The following DCHS2 variants were observed in gnomAD, a reference collection of about 807,000 sequenced individuals.
DCHS2 encodes dachsous cadherin-related 2.
Under a neutral mutation model 182.4 loss-of-function variants are expected in DCHS2, and 142 were observed. The ratio of observed to expected loss-of-function variants is 0.78; its 90% confidence interval spans 0.68 to 0.89. The LOEUF (loss-of-function observed/expected upper bound fraction) is 0.89, where lower values mean the gene tolerates loss of function less well. DCHS2 is among the 40% of genes least tolerant of loss of function. The pLI, the probability that DCHS2 is intolerant of heterozygous loss-of-function variation, is 0.00. For synonymous variants in DCHS2, 1,740 were observed against 1,663.3 expected (o/e 1.05, Z -1.12); for missense variants, 4,319 against 4,198.6 (o/e 1.03, Z -0.79).
chr4:154,293,945 C>G (rs1561018404), intron 13 of DCHS2, among the ~76,000 whole-genome samples: 2 of 152,148 alleles, frequency 1.3e-5, no homozygotes, highest in Non-Finnish European at 2.9e-5. Flanking sequence ...TCTCCCCGAC[C>G]CTTCCCTCTT....
In DCHS2 at chr4:154,235,414, T is replaced by C. The variant is rs780963230; in HGVS notation, c.9238A>G (p.Lys3080Glu). 1.9e-6 allele frequency: 3 copies of C among 1,614,060 alleles called. No homozygotes were observed. The highest frequency in any genetic ancestry group is 2.2e-5 in the East Asian group (1 of 44,870). The change falls in exon 20 of 20, where the codon AAG (lysine) becomes GAG (glutamate). Residue 3080 changes from lysine to glutamate, a missense_variant. Coordinates refer to ENST00000357232, the MANE Select transcript of DCHS2 (RefSeq NM_001358235.2). ...TGTCTGTACAGATTGACAATATCCT[T>C]CTCCATGATACTTATTAAACTCAAC... ...EWLSLISIMEKDIVNLYRHSN... is the reference protein window; with the variant it reads ...EWLSLISIMEEDIVNLYRHSN...
At chr4:154,470,004 G>A (rs1735394495) in intron 1 of DCHS2, among the ~76,000 whole-genome samples, 1 of 152,110 alleles carries the variant, frequency 6.6e-6, no homozygotes, top group African/African-American at 2.4e-5. Context: ...AAAAGTTGTT[G>A]ACTACCATCT....
intron 3 of DCHS2, chr4:154,357,129 T>A (rs1729907575): frequency 1.2e-6 from 1 of 818,980 alleles, no homozygotes; most frequent in Non-Finnish European, 2.0e-6. Context: ...TGCGAAGTTG[T>A]TTAAAACTCA....
intron 3 of DCHS2, chr4:154,335,306 G>A (rs1030234311): frequency 3.5e-6 from 2 of 563,404 alleles, no homozygotes; most frequent in Admixed American, 5.9e-5. Context: ...ATTTAAATCT[G>A]TAGACTGAAT....
At chr4:154,434,337 G>A (rs370439903) in intron 1 of DCHS2, among the ~76,000 whole-genome samples, 4 of 152,178 alleles carry the variant, frequency 2.6e-5, no homozygotes, top group South Asian at 2.1e-4. Flanking sequence ...TGGGAGGATC[G>A]CTTGAGCCTG....
intron 3 of DCHS2, among the ~76,000 whole-genome samples, chr4:154,357,843 C>T (rs1729945723): frequency 6.6e-6 from 1 of 152,144 alleles, no homozygotes; most frequent in South Asian, 2.1e-4. Flanking sequence ...ATACTCTTTG[C>T]ACCTACAAAC....
chr4:154,455,297 G>A lies in DCHS2; in HGVS notation c.2052+34007C>T, dbSNP rs75866469. Among the ~76,000 whole-genome samples, 599 of 152,306 alleles carry A rather than the reference G, an allele frequency of 3.9e-3. 4 individuals carry two copies. The highest frequency in any genetic ancestry group is 6.6e-3 in the Non-Finnish European group (450 of 68,032). The stretch of plus-strand genomic sequence containing the variant: ...GCCAGGCCAGCTCAAGAGAACGACT[G>A]GATCTGGGCCATTTTATGTAAACAA... On this transcript the variant is annotated intron_variant, in intron 1 of 19. Coordinates refer to ENST00000357232, the MANE Select transcript of DCHS2 (RefSeq NM_001358235.2).
intron 13 of DCHS2, among the ~76,000 whole-genome samples, chr4:154,280,682 G>A (rs1038221307): frequency 5.3e-5 from 8 of 151,612 alleles, no homozygotes; most frequent in Non-Finnish European, 5.9e-5. Flanking sequence ...ATGCTTTCAT[G>A]GTAAAAACTC....
At chr4:154,296,670 A>C (rs1438575790) in intron 13 of DCHS2, among the ~76,000 whole-genome samples, 1 of 152,166 alleles carries the variant, frequency 6.6e-6, no homozygotes, top group East Asian at 1.9e-4. Flanking sequence ...ATTTGTTTTA[A>C]CTTTTAATTT....
At chr4:154,347,580 T>C (rs1005899165) in intron 3 of DCHS2, among the ~76,000 whole-genome samples, 4 of 151,882 alleles carry the variant, frequency 2.6e-5, no homozygotes, top group African/African-American at 9.7e-5. Flanking sequence ...TACTGTAGCA[T>C]AGTGTCTGAC....
chr4:154,234,945 T>C lies in DCHS2; in HGVS notation c.9707A>G (p.Tyr3236Cys), dbSNP rs140682325. Residue 3236 changes from tyrosine to cysteine, a missense_variant, in exon 20 of 20, where the codon TAT becomes TGT. Coordinates refer to ENST00000357232, the MANE Select transcript of DCHS2 (RefSeq NM_001358235.2). Reference sequence around the variant, plus strand: ...GAATTTGGGCTCCCAACTAAGAAGATAATTCCAGTGATAGTTGTCTTTTCC... The same window carrying C: ...GAATTTGGGCTCCCAACTAAGAAGACAATTCCAGTGATAGTTGTCTTTTCC... ...HDGKDNYHWNYLLSWEPKFQP... is the reference protein window; with the variant it reads ...HDGKDNYHWNCLLSWEPKFQP... The C allele has an allele frequency of 6.2e-7, 1 of 1,614,070 alleles. No homozygotes were observed. The highest frequency in any genetic ancestry group is 8.5e-7 in the Non-Finnish European group (1 of 1,179,956).
chr4:154,429,101 G>A (rs1733456688), intron 1 of DCHS2, among the ~76,000 whole-genome samples: 1 of 152,102 alleles, frequency 6.6e-6, no homozygotes, highest in South Asian at 2.1e-4. Flanking sequence ...TTATAAACTG[G>A]GTCAGTTATG....
chr4:154,409,225 T>C (rs1308140711), intron 1 of DCHS2, among the ~76,000 whole-genome samples: 2 of 152,088 alleles, frequency 1.3e-5, no homozygotes, highest in African/African-American at 4.8e-5. Context: ...GTGTTGCCCC[T>C]GCCTCCCAGG....
At chr4:154,464,049 C>T (rs1735134244) in intron 1 of DCHS2, among the ~76,000 whole-genome samples, 1 of 152,052 alleles carries the variant, frequency 6.6e-6, no homozygotes. Flanking sequence ...AATGATTGAA[C>T]GTCAGAATTA....
Position 154,462,360 on chromosome 4 carries a change from T to C in DCHS2, c.2052+26944A>G, listed in dbSNP as rs551582828. On this transcript the variant is annotated intron_variant, in intron 1 of 19. Transcript: ENST00000357232. ...GGACTACGAACAATCACACTTTATG[T>C]TTGCATATTGTTTTACAACATACGA... Among the ~76,000 whole-genome samples, 6 of 152,340 alleles carry C rather than the reference T, an allele frequency of 3.9e-5. No homozygotes were observed. In the South Asian group the frequency reaches 1.2e-3, roughly 32 times the overall value.
chr4:154,472,300 C>G (rs1467341798), intron 1 of DCHS2, among the ~76,000 whole-genome samples: 1 of 152,190 alleles, frequency 6.6e-6, no homozygotes, highest in African/African-American at 2.4e-5. Flanking sequence ...TGAAAGTAAT[C>G]TTGGTTCCAA....
intron 3 of DCHS2, among the ~76,000 whole-genome samples, chr4:154,362,752 C>T (rs547755639): frequency 1.3e-5 from 2 of 152,262 alleles, no homozygotes; most frequent in African/African-American, 2.4e-5. Flanking sequence ...CCTTCCTCTT[C>T]CTCCTCGGCC....
chr4:154,391,102 G>A (rs1731680633), intron 1 of DCHS2: 3 of 1,423,182 alleles, frequency 2.1e-6, no homozygotes, highest in Admixed American at 3.7e-5. Flanking sequence ...AATCTCATAT[G>A]TAATTTAGCA....
chr4:154,409,443 A>G (rs1048797120), intron 1 of DCHS2, among the ~76,000 whole-genome samples: 3 of 151,982 alleles, frequency 2.0e-5, no homozygotes, highest in African/African-American at 7.3e-5. Context: ...CCGAACTCAA[A>G]CCTCCAGAGA....
Sources: allele counts gnomAD v4.1 joint callset (sites outside exome capture counted in the v4.1 genomes callset), GRCh38; gene constraint gnomAD v4.1.1; transcripts MANE v1.5; gene names NCBI Gene and HGNC (gene_info 2026-07-23, HGNC 2026-07-21).